The following POC1B variants were observed in gnomAD, a reference collection of about 807,000 sequenced individuals.
POC1B encodes POC1 centriolar protein B.
POC1B carries 44 observed loss-of-function variants against 60.6 expected under a neutral mutation model. The ratio of observed to expected loss-of-function variants is 0.73; its 90% CI spans 0.57 to 0.93. POC1B has a LOEUF of 0.93. POC1B is among the 40% of genes least tolerant of loss of function. POC1B has a pLI of 0.00. For synonymous variants in POC1B, 180 were observed against 198.9 expected (o/e 0.90, Z 0.80); for missense variants, 555 against 572.3 (o/e 0.97, Z 0.31).
chr12:89,425,692 A>G (rs1330633450), intron 10 of POC1B: 3 of 187,648 alleles, frequency 1.6e-5, no homozygotes, highest in Non-Finnish European at 2.2e-5. Flanking sequence ...CTTAATTTAA[A>G]AACAATATTC....
At chr12:89,408,917 G>T in the POC1B span, among the ~76,000 whole-genome samples, 1 of 152,138 alleles carries the variant, frequency 6.6e-6, no homozygotes, top group African/African-American at 2.4e-5. Flanking sequence ...CTGCATAAAT[G>T]TCTTCTTTTG....
At chr12:89,435,053 G>A (rs1451346513) in intron 10 of POC1B, among the ~76,000 whole-genome samples, 1 of 151,802 alleles carries the variant, frequency 6.6e-6, no homozygotes, top group Non-Finnish European at 1.5e-5. Flanking sequence ...AATATAGGAA[G>A]CCAATCTAAC....
At chr12:89,466,646 C>G in intron 9 of POC1B, 124 bp downstream of exon 9, 1 of 887,124 alleles carries the variant, frequency 1.1e-6, no homozygotes, top group Non-Finnish European at 1.7e-6. Flanking sequence ...AACTGTTTAT[C>G]AAAGTGCTGC....
chr12:89,489,289 T>C (rs1868819286), intron 4 of POC1B, among the ~76,000 whole-genome samples: 1 of 152,188 alleles, frequency 6.6e-6, no homozygotes. Context: ...CTTATTTTCA[T>C]AGGTGAGAAA....
intron 2 of POC1B, among the ~76,000 whole-genome samples, chr12:89,510,039 G>T (rs561147366): frequency 3.3e-5 from 5 of 152,218 alleles, no homozygotes; most frequent in Non-Finnish European, 7.4e-5. Context: ...AGTAGAGACA[G>T]GGTTTCAGCA....
intron 3 of POC1B, among the ~76,000 whole-genome samples, chr12:89,492,984 C>T (rs10858880): frequency 0.52 from 79,459 of 151,986 alleles, 21,138 homozygotes; most frequent in African/African-American, 0.61. Context: ...TTGCTAAGAG[C>T]GTAACTCCAA....
chr12:89,486,390 G>T (rs938738770), intron 4 of POC1B, among the ~76,000 whole-genome samples: 6 of 152,146 alleles, frequency 3.9e-5, no homozygotes, highest in Admixed American at 1.3e-4. Flanking sequence ...AGGAAGGGTG[G>T]AAGCAGGGGG....
At chr12:89,522,513 C>G (rs997997281) in intron 2 of POC1B, 1 of 348,108 alleles carries the variant, frequency 2.9e-6, no homozygotes, top group Non-Finnish European at 5.1e-6. Context: ...AATATTAAGT[C>G]TGGCACTTAA....
intron 10 of POC1B, among the ~76,000 whole-genome samples, chr12:89,430,630 T>C (rs970381699): frequency 6.6e-6 from 1 of 152,112 alleles, no homozygotes; most frequent in African/African-American, 2.4e-5. Flanking sequence ...GGCTGGCGAG[T>C]CAGAATTAAT....
downstream of POC1B, among the ~76,000 whole-genome samples, chr12:89,414,815 T>C (rs1305229553): frequency 6.6e-6 from 1 of 152,220 alleles, no homozygotes; most frequent in Non-Finnish European, 1.5e-5. Flanking sequence ...TAGTTTATCT[T>C]CCAATCCTCT....
At chr12:89,495,545 T>C (rs1869203097) in intron 3 of POC1B, among the ~76,000 whole-genome samples, 1 of 152,140 alleles carries the variant, frequency 6.6e-6, no homozygotes, top group African/African-American at 2.4e-5. Context: ...TGGGCCTGAA[T>C]AGTCACAGAC....
intron 11 of POC1B, among the ~76,000 whole-genome samples, chr12:89,423,166 G>A (rs1044614127): frequency 1.3e-5 from 2 of 151,812 alleles, no homozygotes; most frequent in African/African-American, 2.4e-5. Context: ...CACCCTGCTC[G>A]GCTAATTAAC....
intron 10 of POC1B, among the ~76,000 whole-genome samples, chr12:89,450,752 G>A (rs1418363176): frequency 6.6e-6 from 1 of 152,060 alleles, no homozygotes; most frequent in African/African-American, 2.4e-5. Context: ...AAAGGTTTTT[G>A]TCATGTTGAT....
At chr12:89,422,846 C>T (rs543871735) in intron 11 of POC1B, among the ~76,000 whole-genome samples, 24 of 152,090 alleles carry the variant, frequency 1.6e-4, no homozygotes, top group African/African-American at 5.5e-4. Context: ...AAATGGAATC[C>T]CTATCATCTT....
downstream of POC1B, among the ~76,000 whole-genome samples, chr12:89,416,800 C>A (rs1880373387): frequency 6.6e-6 from 1 of 152,174 alleles, no homozygotes; most frequent in Admixed American, 6.5e-5. Flanking sequence ...TTTTTAAAAA[C>A]TATGAGCCAA....
chr12:89,440,990 C>T (rs964846812), intron 10 of POC1B, among the ~76,000 whole-genome samples: 2 of 152,246 alleles, frequency 1.3e-5, no homozygotes, highest in Non-Finnish European at 2.9e-5. Context: ...CTTGGAGGGT[C>T]CCACGCCCAT....
At chr12:89,458,708 G>A (rs1882356941) in intron 10 of POC1B, among the ~76,000 whole-genome samples, 2 of 152,176 alleles carry the variant, frequency 1.3e-5, no homozygotes, top group South Asian at 4.2e-4. Flanking sequence ...ATAATGTCAG[G>A]GTTTTATTTT....
chr12:89,423,673 G>T (rs1880637847), intron 11 of POC1B, among the ~76,000 whole-genome samples: 1 of 152,136 alleles, frequency 6.6e-6, no homozygotes, highest in Non-Finnish European at 1.5e-5. Context: ...CTTGCTGCTT[G>T]CCCACAGATT....
chr12:89,467,597 G>A lies in POC1B; in HGVS notation c.879+20C>T, dbSNP rs770171340. ...CCTTTACCTTAACCAAATCAAAGAG[G>A]AGCTGAAAGATTTACAAACCTGTGT... On this transcript the variant is annotated intron_variant, in intron 8 of 11. Transcript: ENST00000313546. 6.3e-7 allele frequency: 1 copy of A among 1,591,498 alleles called. No individual in the cohort carries two copies.
Sources: gnomAD v4.1 joint callset for allele counts (sites outside exome capture counted in the v4.1 genomes callset) on GRCh38, gnomAD v4.1.1 for gene constraint, MANE v1.5 for transcripts, NCBI Gene and HGNC (gene_info 2026-07-23, HGNC 2026-07-21) for gene names.